The following THSD4 variants were observed in gnomAD, a reference collection of about 807,000 sequenced individuals.
THSD4 encodes thrombospondin type 1 domain containing 4, also known as thrombospondin type-1 domain-containing protein 4.
A neutral mutation model predicts 119.0 loss-of-function variants in THSD4; 69 were observed. That is an observed-to-expected ratio of 0.58 (90% CI 0.48 to 0.71). The LOEUF (loss-of-function observed/expected upper bound fraction) is 0.71. THSD4 is among the 30% of genes least tolerant of loss of function. The pLI, the probability that THSD4 is intolerant of heterozygous loss-of-function variation, is 0.00. For missense variants in THSD4, 1,393 were observed against 1,391.1 expected (o/e 1.00, Z -0.02); for synonymous variants, 524 against 540.4 (o/e 0.97, Z 0.42).
intron 8 of THSD4, among the ~76,000 whole-genome samples, chr15:71,705,550 A>G (rs940356034): frequency 1.3e-5 from 2 of 152,128 alleles, no homozygotes; most frequent in Admixed American, 6.5e-5. Context: ...GAGGTGTTTT[A>G]GAGCCCCTTA....
At chr15:71,171,676 T>A (rs1280117206) in intron 3 of THSD4, among the ~76,000 whole-genome samples, 1 of 152,230 alleles carries the variant, frequency 6.6e-6, no homozygotes, top group East Asian at 1.9e-4. Flanking sequence ...CAAATAATAA[T>A]CATCTGTTGT....
At chr15:71,667,824 A>G (rs959865427) in intron 8 of THSD4, among the ~76,000 whole-genome samples, 6 of 152,184 alleles carry the variant, frequency 3.9e-5, no homozygotes, top group African/African-American at 1.4e-4. Context: ...CAAACTCCAC[A>G]CTTGATCCAC....
intron 17 of THSD4, among the ~76,000 whole-genome samples, chr15:71,776,226 A>G (rs1011461030): frequency 7.2e-5 from 11 of 152,258 alleles, no homozygotes; most frequent in African/African-American, 2.4e-4. Context: ...TATAATATCA[A>G]TTACATTAAA....
intron 7 of THSD4, among the ~76,000 whole-genome samples, chr15:71,434,209 C>T (rs1403753978): frequency 6.6e-6 from 1 of 152,064 alleles, no homozygotes; most frequent in African/African-American, 2.4e-5. Flanking sequence ...TGAGTATTTA[C>T]GTATTTCTAA....
At chr15:71,289,589 A>C (rs1338558278) in intron 6 of THSD4, among the ~76,000 whole-genome samples, 1 of 152,194 alleles carries the variant, frequency 6.6e-6, no homozygotes, top group Non-Finnish European at 1.5e-5. Flanking sequence ...GGGCAACTGC[A>C]AAATGAGTAT....
At chr15:71,159,933 C>T (rs2043236120) in intron 3 of THSD4, among the ~76,000 whole-genome samples, 1 of 152,016 alleles carries the variant, frequency 6.6e-6, no homozygotes, top group Non-Finnish European at 1.5e-5. Flanking sequence ...ATACATTATC[C>T]AGTATAATGT....
chr15:71,170,100 G>A (rs1451248238), intron 3 of THSD4, among the ~76,000 whole-genome samples: 1 of 150,450 alleles, frequency 6.6e-6, no homozygotes, highest in African/African-American at 2.5e-5. Context: ...CTTGAACCCA[G>A]GAGGCGGAAG....
intron 1 of THSD4, among the ~76,000 whole-genome samples, chr15:71,107,791 A>C (rs2040280416): frequency 1.3e-5 from 2 of 152,226 alleles, no homozygotes; most frequent in South Asian, 4.1e-4. Context: ...GGCACAGGAC[A>C]TGAGAGTGTT....
At chr15:71,688,789 C>G (rs1463721323) in intron 8 of THSD4, among the ~76,000 whole-genome samples, 2 of 149,878 alleles carry the variant, frequency 1.3e-5, no homozygotes, top group African/African-American at 4.9e-5. Flanking sequence ...CTGTAATTTT[C>G]TAAAACCTGT....
chr15:71,612,260 A>T (rs1337045797), intron 7 of THSD4, among the ~76,000 whole-genome samples: 1 of 152,214 alleles, frequency 6.6e-6, no homozygotes, highest in Non-Finnish European at 1.5e-5. Flanking sequence ...CTTTTGTAAA[A>T]GATGTAATGA....
At chr15:71,168,252 G>A (rs2043314638) in intron 3 of THSD4, among the ~76,000 whole-genome samples, 1 of 152,120 alleles carries the variant, frequency 6.6e-6, no homozygotes, top group Admixed American at 6.5e-5. Context: ...ATTGTAGAAT[G>A]CTTTAAAATT....
chr15:71,722,366 ATGAG>A (rs1386364822), intron 8 of THSD4, among the ~76,000 whole-genome samples: 1 of 152,222 alleles, frequency 6.6e-6, no homozygotes, highest in Non-Finnish European at 1.5e-5. Context: ...TTTAGAGAGA[ATGAG>A]TGAGTAATAG....
chr15:71,767,970 C>G (rs1395823313), intron 16 of THSD4, among the ~76,000 whole-genome samples: 1 of 152,056 alleles, frequency 6.6e-6, no homozygotes, highest in Non-Finnish European at 1.5e-5. Flanking sequence ...GTGTTTAAAT[C>G]CATCCATTTA....
intron 3 of THSD4, among the ~76,000 whole-genome samples, chr15:71,214,160 A>ATAGCTAGAGGCTTGT (rs1567159370): frequency 6.9e-6 from 1 of 144,652 alleles, no homozygotes; most frequent in African/African-American, 2.8e-5. Context: ...AGCACTCTGT[A>ATAGCTAGAGGCTTGT]AAATGGACCG....
chr15:71,706,862 G>C (rs1164520351), intron 8 of THSD4, among the ~76,000 whole-genome samples: 1 of 152,214 alleles, frequency 6.6e-6, no homozygotes, highest in East Asian at 1.9e-4. Context: ...GGATTAAGGG[G>C]TGCCAGAACT....
At chr15:71,172,580 A>AATATTT (rs2043379846) in intron 3 of THSD4, among the ~76,000 whole-genome samples, 1 of 149,378 alleles carries the variant, frequency 6.7e-6, no homozygotes, top group Non-Finnish European at 1.5e-5. Flanking sequence ...TGTACTCCAT[A>AATATTT]ATATTTATAT....
intron 11 of THSD4, among the ~76,000 whole-genome samples, chr15:71,742,480 CT>C (rs1308598168): frequency 6.6e-6 from 1 of 152,228 alleles, no homozygotes; most frequent in Non-Finnish European, 1.5e-5. Context: ...CATTTATTAT[CT>C]GCTAATTACC....
At chr15:71,422,047 T>C (rs28794851) in intron 7 of THSD4, among the ~76,000 whole-genome samples, 13,421 of 152,270 alleles carry the variant, frequency 0.088, 1,023 homozygotes, top group African/African-American at 0.21. Flanking sequence ...GATTTCTGAA[T>C]TCCTTCTCTG....
chr15:71,679,335 A>G (rs2051721088), intron 8 of THSD4, among the ~76,000 whole-genome samples: 1 of 152,202 alleles, frequency 6.6e-6, no homozygotes. Flanking sequence ...ACCATATAGT[A>G]AATATCTTGG....
Sources: gnomAD v4.1 joint callset for allele counts (sites outside exome capture counted in the v4.1 genomes callset) on GRCh38, gnomAD v4.1.1 for gene constraint, MANE v1.5 for transcripts, NCBI Gene and HGNC (gene_info 2026-07-23, HGNC 2026-07-21) for gene names.